Variants in PMEPA1 observed in about 807,000 individuals in gnomAD.
PMEPA1 encodes prostate transmembrane protein, androgen induced 1.
PMEPA1 carries 11 observed loss-of-function variants against 23.0 expected under a neutral mutation model. The ratio of observed to expected loss-of-function variants is 0.48; its 90% CI spans 0.30 to 0.79. PMEPA1 has a LOEUF of 0.79. Among genes scored for constraint, PMEPA1 ranks in the 30% least tolerant of loss-of-function variants. The pLI is 0.06. For synonymous variants in PMEPA1, 204 were observed against 166.4 expected (o/e 1.23, Z -1.74); for missense variants, 377 against 390.9 (o/e 0.96, Z 0.30).
chr20:57,670,405 C>T (rs555664511), intron 1 of PMEPA1, among the ~76,000 whole-genome samples: 2 of 152,270 alleles, frequency 1.3e-5, no homozygotes, highest in South Asian at 4.1e-4. Flanking sequence ...GATCCACACT[C>T]ATGCCCGCTG....
At chr20:57,668,367 C>A (rs1049857318) in intron 1 of PMEPA1, among the ~76,000 whole-genome samples, 1 of 152,198 alleles carries the variant, frequency 6.6e-6, no homozygotes, top group Non-Finnish European at 1.5e-5. Flanking sequence ...CTCCTGGTAC[C>A]CTCATCTGAG....
chr20:57,657,912 C>A (rs1047618584), intron 2 of PMEPA1, among the ~76,000 whole-genome samples: 3 of 152,214 alleles, frequency 2.0e-5, no homozygotes, highest in Admixed American at 6.5e-5. Context: ...TGCCGCAGCC[C>A]CAGGGCTGGC....
chr20:57,690,483 A>C, intron 1 of PMEPA1: 1 of 1,302,982 alleles, frequency 7.7e-7, no homozygotes, highest in Non-Finnish European at 1.0e-6. Flanking sequence ...AGTGTATATC[A>C]CTTTTTACAA....
chr20:57,709,554 G>C lies in PMEPA1; in HGVS notation c.29C>G (p.Thr10Ser). The change falls in exon 1 of 4, where the codon ACC (threonine) becomes AGC (serine). Residue 10 changes from threonine (T) to serine (S), a missense_variant. Coordinates refer to ENST00000341744, the MANE Select transcript of PMEPA1 (RefSeq NM_020182.5). MHRLMGVNS[T>S]AAAAAGQPNV... ...GGGCTGCCCGGCGGCGGCGGCGGCG[G>C]TGCTGTTGACCCCCATCAAGCGGTG... 9.2e-7 allele frequency: 1 copy of C among 1,092,276 alleles called. No individual in the cohort carries two copies. The highest frequency in any genetic ancestry group is 1.1e-6 in the Non-Finnish European group (1 of 881,400). The allele number at this position is 1,092,276 out of a possible 1,614,324, so 67.7% of individuals were successfully genotyped here.
intron 1 of PMEPA1, among the ~76,000 whole-genome samples, chr20:57,700,522 G>A (rs2071997444): frequency 6.6e-6 from 1 of 152,184 alleles, no homozygotes; most frequent in Admixed American, 6.5e-5. Context: ...AGCCCAAGGG[G>A]AGTCTAGCAC....
upstream of PMEPA1, chr20:57,710,275 G>A (rs1176083873): frequency 3.2e-6 from 2 of 631,836 alleles, no homozygotes; most frequent in African/African-American, 3.9e-5. Flanking sequence ...GCCCGGGGCC[G>A]GGGAGCCGAA....
At position 57,652,824 on chromosome 20, in the gene PMEPA1, C is replaced by G. The variant is rs1373091397; in HGVS notation, c.318+209G>C. ...GCCCTCCTCCAAACAGTGGCAGCGTCCGTGCTCCCGTGTGCAGAGAGCAGA... is the reference window on the plus strand; with the variant it reads ...GCCCTCCTCCAAACAGTGGCAGCGTGCGTGCTCCCGTGTGCAGAGAGCAGA... On this transcript the variant is annotated intron_variant, in intron 3 of 3. Transcript: ENST00000341744. The surrounding 1 kb of genome is among the most constrained non-coding windows in gnomAD (Gnocchi z 6.1). Among the ~76,000 whole-genome samples the G allele has an allele frequency of 6.6e-6, 1 of 152,192 alleles. No homozygotes were observed. Among genetic ancestry groups the G allele is most frequent in the Non-Finnish European group, 1.5e-5 (1 of 68,020 alleles).
At position 57,652,281 on chromosome 20, in the gene PMEPA1, C is replaced by A; in HGVS notation, c.636G>T (p.Ser212=). ...LGGPCPPSSN[S]GISATCYGSG... is the part of the protein sequence containing the mutation. ...TGCCGTAGCACGTGGCGCTGATGCC[C>A]GAGTTACTGCTGGGGGGGCAGGGGC... is the stretch of plus-strand genomic sequence containing the variant. The change falls in exon 4 of 4, where the codon TCG becomes TCT. Residue 212 remains serine (S), a synonymous_variant. Coordinates refer to ENST00000341744, the MANE Select transcript of PMEPA1 (RefSeq NM_020182.5). This position sits in a 1 kb window ranked among gnomAD's most constrained non-coding sequence, Gnocchi z 6.1. The A allele has an allele frequency of 6.2e-7, 1 of 1,609,306 alleles. No individual in the cohort carries two copies. Among genetic ancestry groups the A allele is most frequent in the Non-Finnish European group, 8.5e-7 (1 of 1,179,570 alleles).
Position 57,674,984 on chromosome 20 carries a change from C to T in PMEPA1, c.110-15287G>A, listed in dbSNP as rs539754202. ...CTAAAGCCGTTCTGACCACAGTGAA[C>T]GTGCAGTAGGTACAGTGAGCTCCTG... On this transcript the variant is annotated intron_variant, in intron 1 of 3. Transcript: ENST00000341744. Among the ~76,000 whole-genome samples the T allele has an allele frequency of 2.8e-4, 42 of 152,334 alleles. 2 individuals are homozygous for T. In the South Asian group the frequency reaches 7.9e-3, roughly 29 times the overall value.
At position 57,683,143 on chromosome 20, in the gene PMEPA1, A is replaced by T. The variant is rs2071743342; in HGVS notation, c.110-23446T>A. On this transcript the variant is annotated intron_variant, in intron 1 of 3. Coordinates refer to ENST00000341744, the MANE Select transcript of PMEPA1 (RefSeq NM_020182.5). The surrounding 1 kb of genome is among the most constrained non-coding windows in gnomAD (Gnocchi z 4.3). The stretch of plus-strand genomic sequence containing the variant: ...TGAGCAGGTAGAGGCTGCTCACGTT[A>T]GAGGGCACGGATATCCCCCACTGCT... 6.6e-6 allele frequency among the ~76,000 whole-genome samples: 1 copy of T among 152,214 alleles called. No individual in the cohort carries two copies. Among genetic ancestry groups the T allele is most frequent in the African/African-American group, 2.4e-5 (1 of 41,454 alleles).
At chr20:57,654,260 G>T (rs930282981) in intron 2 of PMEPA1, among the ~76,000 whole-genome samples, 7 of 151,898 alleles carry the variant, frequency 4.6e-5, no homozygotes, top group African/African-American at 1.7e-4. Context: ...GCAAATAAAT[G>T]GACATATTCA....
intron 1 of PMEPA1, among the ~76,000 whole-genome samples, chr20:57,675,351 T>G (rs535468129): frequency 6.6e-6 from 1 of 152,292 alleles, no homozygotes; most frequent in Non-Finnish European, 1.5e-5. Flanking sequence ...CCGGCAGCCA[T>G]GCCTTCACCT....
Position 57,649,824 on chromosome 20 carries a change from GGTGA to G in PMEPA1, c.*2225_*2228del, listed in dbSNP as rs2071198410. 1 of 152,672 alleles carries G rather than the reference GGTGA, an allele frequency of 6.5e-6. No individual in the cohort carries two copies. The highest frequency in any genetic ancestry group is 6.5e-5 in the Admixed American group (1 of 15,286). 9.5% of individuals were successfully genotyped at this position (152,672 alleles called of 1,614,324 possible). On this transcript the variant is annotated 3_prime_UTR_variant, in exon 4 of 4. Transcript: ENST00000341744. The stretch of plus-strand genomic sequence containing the variant: ...ACCCTGGGAGGGGATACCAGTCCCA[GGTGA>G]GTGAGGCACTGTCCGGGAACGTCCT...
In PMEPA1 at chr20:57,652,340, C is replaced by T. The variant is rs1451354521; in HGVS notation, c.577G>A (p.Asp193Asn). ...VRAPPNRTIFDSDLMDSARLG... is the reference protein window; with the variant it reads ...VRAPPNRTIFNSDLMDSARLG... The stretch of plus-strand genomic sequence containing the variant: ...CTGGCACTATCCATCAGGTCACTGT[C>T]GAAGATGGTTCTGTTTGGGGGTGCG... The change falls in exon 4 of 4, where the codon GAC becomes AAC. Residue 193 changes from aspartate to asparagine, a missense_variant. By Grantham distance (23) the Asp-to-Asn change is conservative. Coordinates refer to ENST00000341744, the MANE Select transcript of PMEPA1 (RefSeq NM_020182.5). The surrounding 1 kb of genome is among the most constrained non-coding windows in gnomAD (Gnocchi z 6.1). 3 of 1,612,814 alleles carry T rather than the reference C, an allele frequency of 1.9e-6. No individual in the cohort carries two copies. The highest frequency in any genetic ancestry group is 2.2e-5 in the East Asian group (1 of 44,844).
chr20:57,702,042 C>T (rs921625223), intron 1 of PMEPA1, among the ~76,000 whole-genome samples: 5 of 152,182 alleles, frequency 3.3e-5, no homozygotes, highest in African/African-American at 1.2e-4. Flanking sequence ...CTAGGCGAGG[C>T]CCTGAAGGTG....
chr20:57,681,243 C>T (rs968895736), intron 1 of PMEPA1, among the ~76,000 whole-genome samples: 3 of 152,196 alleles, frequency 2.0e-5, no homozygotes, highest in African/African-American at 7.2e-5. Context: ...CATGGAATCA[C>T]GGCAGTGGGG....
intron 1 of PMEPA1, among the ~76,000 whole-genome samples, chr20:57,689,691 C>A (rs954611316): frequency 3.3e-5 from 5 of 152,196 alleles, no homozygotes; most frequent in Non-Finnish European, 7.3e-5. Context: ...TTCCCAGCTC[C>A]GGGGACAAGG....
intron 1 of PMEPA1, among the ~76,000 whole-genome samples, chr20:57,675,249 A>G (rs2071620568): frequency 6.6e-6 from 1 of 151,164 alleles, no homozygotes; most frequent in Non-Finnish European, 1.5e-5. Context: ...CGGTGCTGTG[A>G]TATCTGTTCT....
In PMEPA1 at chr20:57,683,554, C is replaced by CGTGTGTGCGT. The variant is rs1568977703; in HGVS notation, c.110-23858_110-23857insACGCACACAC. Reference sequence around the variant, plus strand: ...CGGTGGTGGTGTTCTGGCCTGTGTGCGTGTGTGTGTGTGTGTGTGTGTGTG... The same window carrying CGTGTGTGCGT: ...CGGTGGTGGTGTTCTGGCCTGTGTGCGTGTGTGCGTGTGTGTGTGTGTGTGTGTGTGTGTG... On this transcript the variant is annotated intron_variant, in intron 1 of 3. Transcript: ENST00000341744. The surrounding 1 kb of genome is among the most constrained non-coding windows in gnomAD (Gnocchi z 4.3). 3.3e-3 allele frequency among the ~76,000 whole-genome samples: 352 copies of CGTGTGTGCGT among 106,402 alleles called. 1 individual carries two copies. The highest frequency in any genetic ancestry group is 0.011 in the East Asian group (52 of 4,950). The allele number at this position is 106,402 out of a possible 152,430, so 69.8% of individuals were successfully genotyped here. A position where few individuals can be genotyped will look rare whatever the true frequency, so the allele number is the denominator to read the frequency against.
Sources: allele counts gnomAD v4.1 joint callset (sites outside exome capture counted in the v4.1 genomes callset), GRCh38; gene constraint gnomAD v4.1.1; non-coding constraint Gnocchi (gnomAD v3.1); transcripts MANE v1.5; gene names NCBI Gene and HGNC (gene_info 2026-07-23, HGNC 2026-07-21).